The following SOX6 variants were observed in gnomAD, a reference collection of about 807,000 sequenced individuals.
SOX6 encodes the protein transcription factor SOX-6.
In SOX6, 11 loss-of-function variants were observed where a neutral mutation model predicts 97.8. The ratio of observed to expected loss-of-function variants is 0.11; its 90% CI spans 0.07 to 0.19. SOX6 has a LOEUF of 0.19. Among genes scored for constraint, SOX6 ranks in the 10% least tolerant of loss-of-function variants. SOX6 has a pLI of 1.00. For missense variants in SOX6, 810 were observed against 1,039.5 expected, an observed-to-expected ratio of 0.78 and a Z score of 3.04; for synonymous variants, 360 against 371.4, an observed-to-expected ratio of 0.97 and a Z score of 0.35.
intron 1 of SOX6, among the ~76,000 whole-genome samples, chr11:16,401,399 C>T (rs754609565): frequency 4.6e-5 from 7 of 151,414 alleles, no homozygotes; most frequent in Non-Finnish European, 1.0e-4. Flanking sequence ...TTATGTGAAT[C>T]CCAGACCCTA....
intron 4 of SOX6, among the ~76,000 whole-genome samples, chr11:16,490,098 T>C (rs1316264018): frequency 2.0e-5 from 3 of 152,074 alleles, no homozygotes; most frequent in Non-Finnish European, 4.4e-5. Context: ...AGGAAAATAA[T>C]TGCCAAATTT....
chr11:16,483,312 A>C (rs1349259563), intron 4 of SOX6, among the ~76,000 whole-genome samples: 3 of 152,202 alleles, frequency 2.0e-5, no homozygotes, highest in African/African-American at 7.2e-5. Flanking sequence ...TGGAAATTAC[A>C]AAGTGGTAGG....
chr11:16,300,712 G>A lies in SOX6; in HGVS notation c.445+17734C>T, dbSNP rs905827098. ...GAAGTTCATCACCAGAGAAACCTGC[G>A]GCTGTTCACCTTAACAACTAGGAAA... is the stretch of plus-strand genomic sequence containing the variant. On this transcript the variant is annotated intron_variant, in intron 3 of 15. Coordinates refer to ENST00000683767, the MANE Select transcript of SOX6 (RefSeq NM_001367873.1). The surrounding 1 kb of genome is among the most constrained non-coding windows in gnomAD (Gnocchi z 4.1). Among the ~76,000 whole-genome samples the A allele has an allele frequency of 2.6e-5, 4 of 152,128 alleles. No homozygotes were observed. Among genetic ancestry groups the A allele is most frequent in the Admixed American group, 6.5e-5 (1 of 15,270 alleles).
intron 1 of SOX6, among the ~76,000 whole-genome samples, chr11:16,373,674 A>C (rs1857553045): frequency 6.6e-6 from 1 of 152,046 alleles, no homozygotes; most frequent in South Asian, 2.1e-4. Flanking sequence ...TTTCTGGTTG[A>C]TATGTGCTTA....
Position 16,186,803 on chromosome 11 carries a change from C to T in SOX6, c.688G>A (p.Ala230Thr), listed in dbSNP as rs761663568. ...IEKQRQQMDL[A>T]RQQQEQIARQ... is the part of the protein sequence containing the mutation. ...CTCACCTGTTCTTGCTGTTGGCGAGCAAGGTCCATTTGCTGCCGTTGTTTC... is the reference window on the plus strand; with the variant it reads ...CTCACCTGTTCTTGCTGTTGGCGAGTAAGGTCCATTTGCTGCCGTTGTTTC... Residue 230 changes from alanine to threonine, a missense_variant, in exon 5 of 16, where the codon GCT (alanine) becomes ACT (threonine). Transcript: ENST00000683767. The T allele has an allele frequency of 6.2e-7, 1 of 1,613,342 alleles. No individual in the cohort carries two copies. Among genetic ancestry groups the T allele is most frequent in the Non-Finnish European group, 8.5e-7 (1 of 1,179,824 alleles).
At chr11:16,242,695 C>T (rs1262086302) in intron 3 of SOX6, among the ~76,000 whole-genome samples, 8 of 149,792 alleles carry the variant, frequency 5.3e-5, no homozygotes, top group Non-Finnish European at 8.9e-5. Flanking sequence ...TTCAAAGTTA[C>T]GTGTTCAAAA....
At chr11:16,509,787 T>G (rs1860849466) in intron 4 of SOX6, among the ~76,000 whole-genome samples, 1 of 152,016 alleles carries the variant, frequency 6.6e-6, no homozygotes, top group South Asian at 2.1e-4. Flanking sequence ...AAACATACAC[T>G]TTGGGAATAT....
At position 16,160,953 on chromosome 11, in the gene SOX6, G is replaced by T. The variant is rs561543073; in HGVS notation, c.777+22933C>A. Reference sequence around the variant, plus strand: ...GATGATACTAGTTAAATAACATGCAGCCACTTTAGTTCAAGAATCAATGAT... The same window carrying T: ...GATGATACTAGTTAAATAACATGCATCCACTTTAGTTCAAGAATCAATGAT... On this transcript the variant is annotated intron_variant, in intron 6 of 15. Coordinates refer to ENST00000683767, the MANE Select transcript of SOX6 (RefSeq NM_001367873.1). Among the ~76,000 whole-genome samples, 45 of 152,242 alleles carry T rather than the reference G, an allele frequency of 3.0e-4. 1 individual carries two copies. The highest frequency in any genetic ancestry group is 2.6e-3 in the Admixed American group (40 of 15,288).
intron 1 of SOX6, among the ~76,000 whole-genome samples, chr11:16,382,739 G>A (rs563806604): frequency 6.6e-6 from 1 of 151,928 alleles, no homozygotes; most frequent in Admixed American, 6.6e-5. Context: ...AGGTGTTTTT[G>A]TGCTTAGATC....
chr11:16,194,603 A>G (rs1015320470), intron 4 of SOX6, among the ~76,000 whole-genome samples: 7 of 152,202 alleles, frequency 4.6e-5, no homozygotes, highest in African/African-American at 1.4e-4. Flanking sequence ...ATTAGAATCT[A>G]CAGTGTACTA....
At chr11:16,297,765 T>C (rs1244880027) in intron 3 of SOX6, among the ~76,000 whole-genome samples, 1 of 152,174 alleles carries the variant, frequency 6.6e-6, no homozygotes, top group African/African-American at 2.4e-5. Flanking sequence ...TTGGACAGAA[T>C]AGACTCAACA....
intron 1 of SOX6, among the ~76,000 whole-genome samples, chr11:16,419,807 C>A (rs1031759969): frequency 4.6e-5 from 7 of 152,086 alleles, no homozygotes; most frequent in African/African-American, 1.7e-4. Context: ...GGCAATAGTT[C>A]ATCTCCAGCT....
chr11:16,691,497 G>A (rs1848012960), intron 3 of SOX6, among the ~76,000 whole-genome samples: 1 of 152,152 alleles, frequency 6.6e-6, no homozygotes, highest in Admixed American at 6.5e-5. Flanking sequence ...AAACAGAAGT[G>A]TAAAGAAGGG....
chr11:16,560,559 G>A (rs1365889073), intron 4 of SOX6, among the ~76,000 whole-genome samples: 1 of 107,958 alleles, frequency 9.3e-6, no homozygotes, highest in Non-Finnish European at 2.1e-5. Flanking sequence ...ATGTTTATAC[G>A]TACATATATG....
rs1431364786 is a variant in SOX6, at chr11:16,569,886, G to A, written n.609+42195C>T. Among the ~76,000 whole-genome samples, 539 of 99,896 alleles carry A rather than the reference G, an allele frequency of 5.4e-3. 1 individual carries two copies. The highest frequency in any genetic ancestry group is 0.016 in the Middle Eastern group (3 of 186). 65.5% of individuals were successfully genotyped at this position (99,896 alleles called of 152,430 possible). On this transcript the variant is annotated intron_variant and non_coding_transcript_variant, in intron 4 of 5. Coordinates refer to the SOX6 transcript ENST00000524520. ...TCCGTCTCAAAAAAAAAAAAAAAAA[G>A]ATATACTGTGCAGAAAACTAGGCTT...
chr11:16,516,338 G>C (rs918075263), intron 4 of SOX6, among the ~76,000 whole-genome samples: 17 of 152,130 alleles, frequency 1.1e-4, no homozygotes, highest in Non-Finnish European at 1.5e-4. Context: ...CTCATGATTT[G>C]TCTTTCTGTT....
At chr11:16,426,149 G>A (rs1025080417) in intron 1 of SOX6, among the ~76,000 whole-genome samples, 2 of 149,880 alleles carry the variant, frequency 1.3e-5, no homozygotes, top group African/African-American at 4.9e-5. Context: ...CCAGCTGCTC[G>A]GGAGGCTGAG....
chr11:16,498,602 G>C (rs926838773), intron 4 of SOX6, among the ~76,000 whole-genome samples: 1 of 152,056 alleles, frequency 6.6e-6, no homozygotes, highest in Admixed American at 6.6e-5. Flanking sequence ...CAAAATAAAG[G>C]GATGGAGGAA....
chr11:16,168,616 T>C (rs934168910), intron 6 of SOX6, among the ~76,000 whole-genome samples: 1 of 152,146 alleles, frequency 6.6e-6, no homozygotes, highest in African/African-American at 2.4e-5. Context: ...GAAAAGCACC[T>C]GGGAGGAAAT....
Sources: allele counts gnomAD v4.1 joint callset (sites outside exome capture counted in the v4.1 genomes callset), GRCh38; gene constraint gnomAD v4.1.1; non-coding constraint Gnocchi (gnomAD v3.1); transcripts MANE v1.5; gene names NCBI Gene and HGNC (gene_info 2026-07-23, HGNC 2026-07-21).